Variants in NRXN3 observed in about 807,000 individuals in gnomAD.
NRXN3 encodes neurexin 3.
A neutral mutation model predicts 137.6 loss-of-function variants in NRXN3; 32 were observed. The ratio of observed to expected loss-of-function variants is 0.23; its 90% confidence interval spans 0.18 to 0.31. NRXN3 has a LOEUF of 0.31. Ranked by LOEUF, NRXN3 falls within the 10% of genes least tolerant of loss-of-function variation. The pLI is 1.00. For synonymous variants in NRXN3, 798 were observed against 784.5 expected, an observed-to-expected ratio of 1.02 and a Z score of -0.29; for missense variants, 1,574 against 2,062.5, an observed-to-expected ratio of 0.76 and a Z score of 4.59.
At position 79,126,136 on chromosome 14, in the gene NRXN3, CT is replaced by C. The variant is rs999473469; in HGVS notation, c.3262+138004del. Among the ~76,000 whole-genome samples, 83 of 151,220 alleles carry C rather than the reference CT, an allele frequency of 5.5e-4. 1 individual carries two copies. Among genetic ancestry groups the C allele is most frequent in the Non-Finnish European group, 4.9e-4 (33 of 67,744 alleles). The stretch of plus-strand genomic sequence containing the variant: ...TCAGTCTAATTTTAATTAACTTAAA[CT>C]TTTTTTTTCCATAGTTCAGAGCATT... On this transcript the variant is annotated intron_variant, in intron 15 of 20. Coordinates refer to ENST00000335750, the MANE Select transcript of NRXN3 (RefSeq NM_001330195.2).
At chr14:79,702,403 G>A (rs2098757885) in intron 19 of NRXN3, among the ~76,000 whole-genome samples, 2 of 151,972 alleles carry the variant, frequency 1.3e-5, no homozygotes, top group African/African-American at 4.8e-5. Context: ...GCTGGGGATG[G>A]CAAGTGTTGC....
intron 4 of NRXN3, among the ~76,000 whole-genome samples, chr14:78,629,092 A>G (rs994568203): frequency 1.3e-5 from 2 of 152,172 alleles, no homozygotes; most frequent in African/African-American, 4.8e-5. Flanking sequence ...CTGATACACA[A>G]TAAGCTTCAA....
At chr14:78,786,647 T>C (rs7140149) in intron 8 of NRXN3, among the ~76,000 whole-genome samples, 1,745 of 152,266 alleles carry the variant, frequency 0.011, 34 homozygotes, top group African/African-American at 0.04. Context: ...CCTTAAGAAG[T>C]GTTGTAATAG....
At chr14:78,607,798 T>C (rs1000092076) in intron 4 of NRXN3, among the ~76,000 whole-genome samples, 23 of 152,268 alleles carry the variant, frequency 1.5e-4, no homozygotes, top group African/African-American at 5.5e-4. Context: ...CTTAAAGAAA[T>C]GGCAGTCTAT....
At chr14:79,067,930 C>T (rs553660946) in intron 15 of NRXN3, among the ~76,000 whole-genome samples, 59 of 151,928 alleles carry the variant, frequency 3.9e-4, no homozygotes, top group Non-Finnish European at 8.0e-4. Context: ...TGTTTGATGG[C>T]TGAAGTATCA....
intron 15 of NRXN3, among the ~76,000 whole-genome samples, chr14:79,462,314 A>G (rs1349437219): frequency 6.6e-6 from 1 of 152,106 alleles, no homozygotes; most frequent in Non-Finnish European, 1.5e-5. Flanking sequence ...CAGAGTTTAC[A>G]GTGAGCCAAG....
chr14:78,818,456 T>C lies in NRXN3; in HGVS notation c.2275+8112T>C, dbSNP rs189260505. Among the ~76,000 whole-genome samples the C allele has an allele frequency of 7.9e-4, 121 of 152,276 alleles. 1 individual carries two copies. The highest frequency in any genetic ancestry group is 2.8e-3 in the African/African-American group (118 of 41,566). ...TTGTAAAGTACAGTGTTTTGTCTTG[T>C]TGTCACTCAGAAAGGAAGAAAATTA... On this transcript the variant is annotated intron_variant, in intron 10 of 20. Coordinates refer to ENST00000335750, the MANE Select transcript of NRXN3 (RefSeq NM_001330195.2).
rs1227421961 is a variant in NRXN3, at chr14:78,943,614, AAAAAAAAATATATAT to A, written c.2276-13626_2276-13612del. On this transcript the variant is annotated intron_variant, in intron 10 of 20. Coordinates refer to ENST00000335750, the MANE Select transcript of NRXN3 (RefSeq NM_001330195.2). Reference sequence around the variant, plus strand: ...GAAAAGAAGCAAGATCACTGTTAAAAAAAAAAAATATATATATATATATATATATATATATATATA... The same window carrying A: ...GAAAAGAAGCAAGATCACTGTTAAAAATATATATATATATATATATATATA... Among the ~76,000 whole-genome samples the A allele has an allele frequency of 1.0e-3, 44 of 44,152 alleles. 1 individual carries two copies. Among genetic ancestry groups the A allele is most frequent in the South Asian group, 2.0e-3 (2 of 988 alleles). The allele number at this position is 44,152 out of a possible 152,430, so 29.0% of individuals were successfully genotyped here.
rs574326311 is a variant in NRXN3 at position 78,593,326 on chromosome 14, C to T, written c.758-51794C>T. On this transcript the variant is annotated intron_variant, in intron 4 of 20. Coordinates refer to ENST00000335750, the MANE Select transcript of NRXN3 (RefSeq NM_001330195.2). ...GTGAGACTGCACGAAGATAAAATGC[C>T]TTCTCTGAAAGCGTCCCTCTAGAAT... Among the ~76,000 whole-genome samples, 68 of 152,308 alleles carry T rather than the reference C, an allele frequency of 4.5e-4. 1 individual carries two copies. The highest frequency in any genetic ancestry group is 1.6e-3 in the African/African-American group (65 of 41,582).
intron 8 of NRXN3, among the ~76,000 whole-genome samples, chr14:78,778,031 G>C (rs894097263): frequency 6.6e-6 from 1 of 152,158 alleles, no homozygotes; most frequent in African/African-American, 2.4e-5. Flanking sequence ...CCAAAGTGCT[G>C]GGATTACAGG....
intron 16 of NRXN3, among the ~76,000 whole-genome samples, chr14:79,522,642 C>T (rs2097078780): frequency 6.6e-6 from 1 of 152,058 alleles, no homozygotes; most frequent in South Asian, 2.1e-4. Context: ...TCCAAGGATC[C>T]CATGGAAACC....
At chr14:78,367,484 CT>C (rs946550909) in intron 4 of NRXN3, among the ~76,000 whole-genome samples, 16 of 152,292 alleles carry the variant, frequency 1.1e-4, no homozygotes, top group Admixed American at 5.2e-4. Context: ...TCCAGTAATA[CT>C]GATTATATGC....
At chr14:79,389,395 G>A (rs1248483625) in intron 15 of NRXN3, among the ~76,000 whole-genome samples, 2 of 152,186 alleles carry the variant, frequency 1.3e-5, no homozygotes, top group Non-Finnish European at 2.9e-5. Flanking sequence ...AAACTCCCAG[G>A]ATGATAATAT....
chr14:78,722,390 A>G (rs571133143), intron 8 of NRXN3, among the ~76,000 whole-genome samples: 1 of 152,338 alleles, frequency 6.6e-6, no homozygotes, highest in South Asian at 2.1e-4. Flanking sequence ...GCCAGCAGAC[A>G]TCTGCCCATA....
intron 16 of NRXN3, among the ~76,000 whole-genome samples, chr14:79,633,762 G>A (rs1487878245): frequency 6.6e-6 from 1 of 152,216 alleles, no homozygotes; most frequent in African/African-American, 2.4e-5. Context: ...GAACGGTGCT[G>A]TTTGCTGCCA....
chr14:79,439,923 G>T (rs757488053), intron 15 of NRXN3, among the ~76,000 whole-genome samples: 3 of 152,110 alleles, frequency 2.0e-5, no homozygotes, highest in Admixed American at 6.6e-5. Context: ...TTTTTTGTGG[G>T]CTCTTATGCT....
At chr14:79,420,622 A>G (rs2095562255) in intron 15 of NRXN3, among the ~76,000 whole-genome samples, 1 of 152,146 alleles carries the variant, frequency 6.6e-6, no homozygotes, top group African/African-American at 2.4e-5. Context: ...CCCTCCCATG[A>G]CATGTCTGTC....
intron 15 of NRXN3, chr14:79,279,713 C>T: frequency 1.0e-6 from 1 of 986,348 alleles, no homozygotes; most frequent in Non-Finnish European, 1.2e-6. Flanking sequence ...CGCGCCCTTC[C>T]GCGGAGACTC....
chr14:79,178,324 C>T (rs549334949), intron 15 of NRXN3, among the ~76,000 whole-genome samples: 1 of 152,130 alleles, frequency 6.6e-6, no homozygotes, highest in East Asian at 1.9e-4. Context: ...AAACCTTAAG[C>T]GTCTTGGCAA....
Sources: gnomAD v4.1 joint callset for allele counts (sites outside exome capture counted in the v4.1 genomes callset) on GRCh38, gnomAD v4.1.1 for gene constraint, MANE v1.5 for transcripts, NCBI Gene and HGNC (gene_info 2026-07-23, HGNC 2026-07-21) for gene names.